Variants in RILPL1 observed in about 807,000 individuals in gnomAD.
The protein encoded by RILPL1 is RILP-like protein 1.
Under a neutral mutation model 50.3 loss-of-function variants are expected in RILPL1, and 33 were observed. The ratio of observed to expected loss-of-function variants is 0.66; its 90% CI spans 0.50 to 0.88. The LOEUF (loss-of-function observed/expected upper bound fraction) is 0.88, where lower values mean the gene tolerates loss of function less well. RILPL1 is among the 40% of genes least tolerant of loss of function. The pLI, the probability that RILPL1 is intolerant of heterozygous loss-of-function variation, is 0.00. For synonymous variants in RILPL1, 205 were observed against 228.6 expected (o/e 0.90, Z 0.93); for missense variants, 418 against 542.5 (o/e 0.77, Z 2.28).
In RILPL1 at chr12:123,472,384, T is replaced by C. The variant is rs1331277421; in HGVS notation, c.*154A>G. 1.3e-6 allele frequency: 1 copy of C among 744,256 alleles called. No individual in the cohort carries two copies. Among genetic ancestry groups the C allele is most frequent in the Non-Finnish European group, 2.1e-6 (1 of 466,486 alleles). The allele number at this position is 744,256 out of a possible 1,614,324, so 46.1% of individuals were successfully genotyped here. On this transcript the variant is annotated 3_prime_UTR_variant, in exon 7 of 7. Coordinates refer to ENST00000376874, the MANE Select transcript of RILPL1 (RefSeq NM_178314.5). ...TTAGAGTTTGGCGTCAGTTTTTCAA[T>C]GTCCATCCTCAAATCAGACAGTCTG...
chr12:123,503,334 G>A (rs1883527998), intron 2 of RILPL1, among the ~76,000 whole-genome samples: 1 of 151,332 alleles, frequency 6.6e-6, no homozygotes, highest in Non-Finnish European at 1.5e-5. Flanking sequence ...CCAAGTATCT[G>A]GGATTACAGG....
intron 2 of RILPL1, among the ~76,000 whole-genome samples, chr12:123,510,843 C>CTG (rs753072646): frequency 2.0e-5 from 2 of 101,678 alleles, no homozygotes; most frequent in African/African-American, 3.9e-5. Flanking sequence ...TGTGTGAGGT[C>CTG]TGTGTGTGTG....
chr12:123,512,053 CTGTGTGTGGTGTGTGAGGTCTGTG>C (rs1884321462), intron 2 of RILPL1, among the ~76,000 whole-genome samples: 3 of 72,638 alleles, frequency 4.1e-5, no homozygotes, highest in African/African-American at 5.7e-5. Flanking sequence ...TGTGTGAGGT[CTGTGTGTGGTGTGTGAGGTCTGTG>C]TGTGTGTGGT....
chr12:123,486,300 T>C (rs1882329108), intron 4 of RILPL1, among the ~76,000 whole-genome samples: 1 of 152,152 alleles, frequency 6.6e-6, no homozygotes, highest in African/African-American at 2.4e-5. Flanking sequence ...TCTGGTTAGG[T>C]CCTCTCCTCC....
intron 1 of RILPL1, among the ~76,000 whole-genome samples, chr12:123,529,990 G>T (rs1187084795): frequency 6.6e-6 from 1 of 152,144 alleles, no homozygotes; most frequent in East Asian, 1.9e-4. Context: ...CATGTGGCTG[G>T]TCTGAGTGGA....
intron 4 of RILPL1, among the ~76,000 whole-genome samples, chr12:123,490,240 C>G (rs1315600519): frequency 2.6e-5 from 4 of 152,120 alleles, no homozygotes; most frequent in African/African-American, 9.7e-5. Context: ...AAGAGCAAAG[C>G]CCTTCAAAGG....
At position 123,533,200 on chromosome 12, in the gene RILPL1, TGCGGTCCATCCTCTCCAGGCGCAG is replaced by T; in HGVS notation, c.259_282del (p.Leu87_Arg94del). 1 of 1,576,012 alleles carries T rather than the reference TGCGGTCCATCCTCTCCAGGCGCAG, an allele frequency of 6.3e-7. No individual in the cohort carries two copies. The highest frequency in any genetic ancestry group is 8.6e-7 in the Non-Finnish European group (1 of 1,165,698). On this transcript the variant is annotated inframe_deletion, in exon 1 of 7. Coordinates refer to ENST00000376874, the MANE Select transcript of RILPL1 (RefSeq NM_178314.5). This position sits in a 1 kb window ranked among gnomAD's most constrained non-coding sequence, Gnocchi z 6.2. ...TTCTGGTGCTTGCGCTCCTTCTCGA[TGCGGTCCATCCTCTCCAGGCGCAG>T]GCGGTCCAGCTCCAGGCGCAGCTCG...
intron 2 of RILPL1, among the ~76,000 whole-genome samples, chr12:123,501,943 C>T (rs182228750): frequency 6.8e-5 from 10 of 146,294 alleles, no homozygotes; most frequent in African/African-American, 2.3e-4. Flanking sequence ...GGCGTGGTGG[C>T]GCATGCCTGT....
chr12:123,511,838 A>G (rs1454920787), intron 2 of RILPL1, among the ~76,000 whole-genome samples: 3 of 67,838 alleles, frequency 4.4e-5, no homozygotes, highest in South Asian at 5.3e-4. Context: ...TGAGATCTGT[A>G]TGTGTGAGGT....
At chr12:123,517,804 A>G (rs1036675199) in intron 2 of RILPL1, among the ~76,000 whole-genome samples, 5 of 152,170 alleles carry the variant, frequency 3.3e-5, no homozygotes, top group African/African-American at 1.2e-4. Context: ...CCAAATGGAC[A>G]TATGCTGCAA....
chr12:123,484,198 T>C lies in RILPL1; in HGVS notation c.1049A>G (p.Glu350Gly). 2 of 1,576,174 alleles carry C rather than the reference T, an allele frequency of 1.3e-6. No homozygotes were observed. The highest frequency in any genetic ancestry group is 1.7e-6 in the Non-Finnish European group (2 of 1,148,376). ...IAHPRTSPQP[E>G]SGIKRLFSFF... ...CACTTACAGTCGCTTGATGCCCGAC[T>C]CCGGCTGGGGGGACGTCCTCGGGTG... Residue 350 changes from glutamate (E) to glycine (G), a missense_variant, in exon 6 of 7, where the codon GAG becomes GGG. Glu to Gly is a moderately conservative substitution (Grantham distance 98). Transcript: ENST00000376874.
At chr12:123,474,311 A>T (rs1438859133) in intron 6 of RILPL1, 1 of 152,208 alleles carries the variant, frequency 6.6e-6, no homozygotes, top group Non-Finnish European at 1.5e-5. Flanking sequence ...CTGTCCTTTG[A>T]TACTACCAGG....
At chr12:123,477,319 T>A (rs1173228353) in intron 6 of RILPL1, among the ~76,000 whole-genome samples, 1 of 150,146 alleles carries the variant, frequency 6.7e-6, no homozygotes, top group African/African-American at 2.5e-5. Flanking sequence ...GGAGTTGGTA[T>A]CTTTTCTTTC....
chr12:123,481,559 CTT>C (rs113872165), intron 6 of RILPL1, among the ~76,000 whole-genome samples: 20 of 141,830 alleles, frequency 1.4e-4, no homozygotes, highest in African/African-American at 1.8e-4. Context: ...AATTTGTTTT[CTT>C]TTTTTTTTTT....
chr12:123,496,657 G>A (rs762861200), intron 4 of RILPL1, among the ~76,000 whole-genome samples: 13 of 152,084 alleles, frequency 8.5e-5, no homozygotes, highest in African/African-American at 2.7e-4. Context: ...ACTGACGCCC[G>A]GCTTCAGGAA....
chr12:123,521,636 T>C (rs796411723), intron 2 of RILPL1, among the ~76,000 whole-genome samples: 68 of 17,474 alleles, frequency 3.9e-3, no homozygotes, highest in African/African-American at 6.6e-3. Flanking sequence ...TATACACACA[T>C]ATGTGTATAT....
chr12:123,475,626 C>T lies in RILPL1; in HGVS notation c.1068-2944G>A, dbSNP rs761946623. 2.8e-5 allele frequency: 38 copies of T among 1,349,838 alleles called. No individual in the cohort carries two copies. The East Asian group carries it at 9.1e-4, about 32-fold the overall frequency. 83.6% of individuals were successfully genotyped at this position (1,349,838 alleles called of 1,614,324 possible). A position where few individuals can be genotyped will look rare whatever the true frequency, so the allele number is the denominator to read the frequency against. ...AGCCGAAGCAGACATTCCAAGGGGG[C>T]AGCTCAAACAAAACCCAAAACACAC... On this transcript the variant is annotated intron_variant, in intron 6 of 6. Coordinates refer to ENST00000376874, the MANE Select transcript of RILPL1 (RefSeq NM_178314.5).
Position 123,483,063 on chromosome 12 carries a change from C to T in RILPL1, c.1067+1117G>A, listed in dbSNP as rs148958543. On this transcript the variant is annotated intron_variant, in intron 6 of 6. Transcript: ENST00000376874. Reference sequence around the variant, plus strand: ...TAACACTCCACTTCCTCTCCCTACACGATCCGACTGGCTTTCCAACCCACA... The same window carrying T: ...TAACACTCCACTTCCTCTCCCTACATGATCCGACTGGCTTTCCAACCCACA... Among the ~76,000 whole-genome samples the T allele has an allele frequency of 1.5e-3, 221 of 152,358 alleles. 1 individual carries two copies. The highest frequency in any genetic ancestry group is 5.1e-3 in the African/African-American group (211 of 41,588).
intron 1 of RILPL1, among the ~76,000 whole-genome samples, chr12:123,526,706 G>A (rs28604461): frequency 0.17 from 26,255 of 152,230 alleles, 2,424 homozygotes; most frequent in Middle Eastern, 0.24. Flanking sequence ...TTGGGGAAGA[G>A]AGGAGTAATA....
Sources: allele counts gnomAD v4.1 joint callset (sites outside exome capture counted in the v4.1 genomes callset), GRCh38; gene constraint gnomAD v4.1.1; non-coding constraint Gnocchi (gnomAD v3.1); transcripts MANE v1.5; gene names NCBI Gene and HGNC (gene_info 2026-07-23, HGNC 2026-07-21).